The following LGSN variants were observed in gnomAD, a reference collection of about 807,000 sequenced individuals.
The protein encoded by LGSN is lengsin, lens protein with glutamine synthetase domain.
Under a neutral mutation model 19.5 loss-of-function variants are expected in LGSN, and 21 were observed. The observed-to-expected ratio is 1.07, with a 90% confidence interval of 0.76 to 1.55. The LOEUF (loss-of-function observed/expected upper bound fraction) is 1.55, where lower values mean the gene tolerates loss of function less well. LGSN is among the 40% of genes most tolerant of loss of function. LGSN has a pLI of 0.00. For synonymous variants in LGSN, 257 were observed against 215.6 expected, an observed-to-expected ratio of 1.19 and a Z score of -1.68; for missense variants, 673 against 608.5, an observed-to-expected ratio of 1.11 and a Z score of -1.12.
the LGSN span, among the ~76,000 whole-genome samples, chr6:63,554,579 C>G: frequency 5.9e-5 from 9 of 152,146 alleles, no homozygotes; most frequent in Non-Finnish European, 1.3e-4. Context: ...GGGTAGATCA[C>G]TTGAGGTCAG....
At chr6:63,337,903 T>A in the LGSN span, among the ~76,000 whole-genome samples, 4 of 152,124 alleles carry the variant, frequency 2.6e-5, no homozygotes, top group Non-Finnish European at 5.9e-5. Flanking sequence ...ATTTCTCTTT[T>A]GAGATGGAGT....
At chr6:63,506,420 C>T in the LGSN span, among the ~76,000 whole-genome samples, 7 of 152,062 alleles carry the variant, frequency 4.6e-5, no homozygotes, top group East Asian at 5.8e-4. Flanking sequence ...CCCACCACCA[C>T]GCCCGGCTAA....
the LGSN span, among the ~76,000 whole-genome samples, chr6:63,494,455 G>A: frequency 4.6e-5 from 7 of 152,100 alleles, no homozygotes; most frequent in Admixed American, 1.3e-4. Context: ...GATAAATAAT[G>A]AAACATGAGA....
chr6:63,476,742 C>G, the LGSN span, among the ~76,000 whole-genome samples: 2 of 152,160 alleles, frequency 1.3e-5, no homozygotes, highest in Non-Finnish European at 2.9e-5. Flanking sequence ...GGAGACCCAG[C>G]CTTGGAAGTC....
At chr6:63,480,814 C>A in the LGSN span, among the ~76,000 whole-genome samples, 1 of 109,960 alleles carries the variant, frequency 9.1e-6, no homozygotes, top group African/African-American at 3.1e-5. Flanking sequence ...GAAAAGAAGT[C>A]ATTATATGAA....
chr6:63,439,177 G>A, the LGSN span, among the ~76,000 whole-genome samples: 43 of 152,132 alleles, frequency 2.8e-4, no homozygotes, highest in Middle Eastern at 0.01. Flanking sequence ...ACACAGGAAG[G>A]GGAACATCAC....
At chr6:63,480,995 A>G in the LGSN span, among the ~76,000 whole-genome samples, 1 of 126,624 alleles carries the variant, frequency 7.9e-6, no homozygotes, top group Non-Finnish European at 1.7e-5. Flanking sequence ...ATACACACAC[A>G]CATACATACA....
the LGSN span, among the ~76,000 whole-genome samples, chr6:63,470,990 C>T: frequency 2.6e-4 from 35 of 134,020 alleles, 1 homozygote; most frequent in Admixed American, 6.9e-4. Context: ...GCCCAGGCTG[C>T]AGTGCAATGG....
chr6:63,523,298 G>A, the LGSN span, among the ~76,000 whole-genome samples: 1 of 151,930 alleles, frequency 6.6e-6, no homozygotes, highest in Non-Finnish European at 1.5e-5. Context: ...GTCTATAAAT[G>A]AAGGCGGGCA....
the LGSN span, among the ~76,000 whole-genome samples, chr6:63,499,144 G>A: frequency 6.6e-6 from 1 of 152,028 alleles, no homozygotes; most frequent in African/African-American, 2.4e-5. Context: ...TGCTTGCTTG[G>A]TTAGTGACCT....
the LGSN span, among the ~76,000 whole-genome samples, chr6:63,505,071 G>A: frequency 3.9e-5 from 6 of 152,006 alleles, no homozygotes; most frequent in Admixed American, 3.9e-4. Context: ...CATGACCATG[G>A]CATTCCTTTT....
the LGSN span, among the ~76,000 whole-genome samples, chr6:63,443,192 A>G: frequency 6.6e-6 from 1 of 152,180 alleles, no homozygotes; most frequent in Non-Finnish European, 1.5e-5. Flanking sequence ...CCCGGATGCT[A>G]AGCCCCTCAT....
intron 2 of LGSN, among the ~76,000 whole-genome samples, chr6:63,287,672 C>T (rs997074372): frequency 4.6e-5 from 7 of 152,050 alleles, no homozygotes; most frequent in Non-Finnish European, 8.8e-5. Flanking sequence ...CGCGCCACTG[C>T]ACTCCAGCCT....
the LGSN span, among the ~76,000 whole-genome samples, chr6:63,498,251 G>C: frequency 6.6e-6 from 1 of 151,980 alleles, no homozygotes; most frequent in Non-Finnish European, 1.5e-5. Context: ...GGAAAACACA[G>C]ACTGAAAGTT....
At chr6:63,313,705 G>T (rs189702925) in intron 1 of LGSN, among the ~76,000 whole-genome samples, 2 of 152,034 alleles carry the variant, frequency 1.3e-5, no homozygotes, top group East Asian at 3.9e-4. Flanking sequence ...ACATGGTGGT[G>T]CACGCCTGTA....
At chr6:63,481,909 TA>T in the LGSN span, 1 of 203,840 alleles carries the variant, frequency 4.9e-6, no homozygotes, top group South Asian at 1.0e-4. Context: ...TGCACTTAAA[TA>T]AAAGCTTGAA....
the LGSN span, among the ~76,000 whole-genome samples, chr6:63,439,409 G>A: frequency 0.11 from 16,455 of 151,924 alleles, 1,835 homozygotes; most frequent in African/African-American, 0.28. Context: ...TTAGCCAGGC[G>A]TGGTGGCGTG....
At chr6:63,507,592 A>T in the LGSN span, among the ~76,000 whole-genome samples, 2 of 152,242 alleles carry the variant, frequency 1.3e-5, no homozygotes, top group South Asian at 4.1e-4. Flanking sequence ...ATCCAAAGCC[A>T]GTTTTCATAT....
At chr6:63,538,608 T>G in the LGSN span, among the ~76,000 whole-genome samples, 7 of 152,114 alleles carry the variant, frequency 4.6e-5, no homozygotes. Context: ...AGAAATAGCA[T>G]GCAAAAAGAA....
Sources: gnomAD v4.1 joint callset for allele counts (sites outside exome capture counted in the v4.1 genomes callset) on GRCh38, gnomAD v4.1.1 for gene constraint, MANE v1.5 for transcripts, NCBI Gene and HGNC (gene_info 2026-07-23, HGNC 2026-07-21) for gene names.